The following ELMO1 variants were observed in gnomAD, a reference collection of about 807,000 sequenced individuals.
ELMO1 encodes the protein engulfment and cell motility 1.
Under a neutral mutation model 98.9 loss-of-function variants are expected in ELMO1, and 26 were observed. That is an observed-to-expected ratio of 0.26 (90% CI 0.19 to 0.36). ELMO1 has a LOEUF of 0.36. Among genes scored for constraint, ELMO1 ranks in the 10% least tolerant of loss-of-function variants. ELMO1 has a pLI of 1.00. For missense variants in ELMO1, 627 were observed against 935.2 expected (o/e 0.67, Z 4.30); for synonymous variants, 346 against 346.0 (o/e 1.00, Z 0.00).
rs1402451467 is a variant in ELMO1, at chr7:36,855,452, T to C, written c.*99A>G. On this transcript the variant is annotated 3_prime_UTR_variant, in exon 22 of 22. Transcript: ENST00000310758. This position sits in a 1 kb window ranked among gnomAD's most constrained non-coding sequence, Gnocchi z 4.2. ...GGAATGTGGACCCACAGCTTCCCTT[T>C]ACCAAAGGACGGTTCCAAGGCGTGG... 2 of 1,485,332 alleles carry C rather than the reference T, an allele frequency of 1.3e-6. No homozygotes were observed. Among genetic ancestry groups the C allele is most frequent in the African/African-American group, 2.8e-5 (2 of 72,136 alleles). 92.0% of individuals were successfully genotyped at this position (1,485,332 alleles called of 1,614,324 possible).
At chr7:37,032,124 G>A (rs1429808542) in intron 15 of ELMO1, among the ~76,000 whole-genome samples, 1 of 152,154 alleles carries the variant, frequency 6.6e-6, no homozygotes, top group African/African-American at 2.4e-5. Context: ...CACCCCTACT[G>A]ATTGGCTTCC....
chr7:37,005,937 C>G (rs1458674735), intron 16 of ELMO1, among the ~76,000 whole-genome samples: 1 of 152,256 alleles, frequency 6.6e-6, no homozygotes, highest in African/African-American at 2.4e-5. Context: ...GTCATCAGGG[C>G]GCACAGCCAT....
At chr7:37,016,174 TGAGTG>T (rs1793918361) in intron 15 of ELMO1, among the ~76,000 whole-genome samples, 1 of 152,144 alleles carries the variant, frequency 6.6e-6, no homozygotes, top group Admixed American at 6.5e-5. Context: ...TTTTATGTGA[TGAGTG>T]GAGCTAAGAA....
At chr7:37,404,765 C>T (rs1803682389) in intron 1 of ELMO1, among the ~76,000 whole-genome samples, 1 of 152,132 alleles carries the variant, frequency 6.6e-6, no homozygotes, top group African/African-American at 2.4e-5. Flanking sequence ...CCATAGTTTT[C>T]TTTGGGGCTT....
chr7:37,259,101 G>A (rs1795845092), intron 6 of ELMO1, 80 bp downstream of exon 6: 4 of 1,447,846 alleles, frequency 2.8e-6, no homozygotes, highest in Non-Finnish European at 3.7e-6. Flanking sequence ...AACAGAGTTT[G>A]CAAGTGTAAG....
At chr7:37,060,484 A>G (rs1166397591) in intron 15 of ELMO1, among the ~76,000 whole-genome samples, 1 of 152,174 alleles carries the variant, frequency 6.6e-6, no homozygotes, top group African/African-American at 2.4e-5. Context: ...AAAGAGGAGA[A>G]TAACAGACAC....
At chr7:37,271,511 C>T (rs971698221) in intron 5 of ELMO1, 23 of 246,438 alleles carry the variant, frequency 9.3e-5, no homozygotes, top group African/African-American at 2.5e-4. Flanking sequence ...ACATAAAATA[C>T]GCTAACGATA....
chr7:37,224,829 G>A, intron 9 of ELMO1, 50 bp downstream of exon 9: 1 of 1,599,762 alleles, frequency 6.3e-7, no homozygotes, highest in Non-Finnish European at 8.5e-7. Context: ...CATTACCGTG[G>A]CCATCTTCCT....
chr7:36,858,664 AAGAGTC>A (rs72085831), intron 21 of ELMO1, among the ~76,000 whole-genome samples: 17,160 of 151,992 alleles, frequency 0.11, 1,332 homozygotes, highest in South Asian at 0.23. Flanking sequence ...GAAACAGAAG[AAGAGTC>A]AGAGTCAGAG....
intron 15 of ELMO1, among the ~76,000 whole-genome samples, chr7:37,090,542 A>G (rs1784028375): frequency 6.6e-6 from 1 of 152,130 alleles, no homozygotes; most frequent in African/African-American, 2.4e-5. Context: ...CATTAACTAC[A>G]TGGAACTAGA....
At chr7:37,111,517 A>G (rs1785249590) in intron 14 of ELMO1, among the ~76,000 whole-genome samples, 1 of 152,222 alleles carries the variant, frequency 6.6e-6, no homozygotes, top group South Asian at 2.1e-4. Context: ...TTCTTTTAAG[A>G]AAAACTTTTG....
chr7:37,379,272 C>A (rs1052874377), intron 1 of ELMO1, among the ~76,000 whole-genome samples: 1 of 152,142 alleles, frequency 6.6e-6, no homozygotes, highest in Admixed American at 6.5e-5. Context: ...GATCTCCTGA[C>A]CTCGTGATCC....
chr7:37,192,836 A>G (rs1791686129), intron 13 of ELMO1, among the ~76,000 whole-genome samples: 1 of 146,322 alleles, frequency 6.8e-6, no homozygotes, highest in African/African-American at 2.5e-5. Context: ...GTATATATGT[A>G]TATATGACAT....
intron 16 of ELMO1, among the ~76,000 whole-genome samples, chr7:36,911,953 G>A (rs950583804): frequency 3.3e-5 from 5 of 152,148 alleles, no homozygotes; most frequent in African/African-American, 9.7e-5. Context: ...ACAGCAGCTC[G>A]GCTCATCACC....
chr7:36,874,555 G>T lies in ELMO1; in HGVS notation c.1822+3455C>A, dbSNP rs571091699. Among the ~76,000 whole-genome samples, 207 of 152,344 alleles carry T rather than the reference G, an allele frequency of 1.4e-3. 1 individual carries two copies. Among genetic ancestry groups the T allele is most frequent in the African/African-American group, 4.9e-3 (202 of 41,586 alleles). The stretch of plus-strand genomic sequence containing the variant: ...GTTAATTCTGTAGATGGAGAGACCT[G>T]AATTATTCGCTGTGCTTTGGTGACC... On this transcript the variant is annotated intron_variant, in intron 19 of 21. Transcript: ENST00000310758.
At chr7:37,398,307 C>A (rs1156402577) in intron 1 of ELMO1, among the ~76,000 whole-genome samples, 1 of 152,184 alleles carries the variant, frequency 6.6e-6, no homozygotes, top group African/African-American at 2.4e-5. Flanking sequence ...TTTATTTTCC[C>A]TTCCTATCTT....
chr7:37,402,813 G>C (rs952183105), intron 1 of ELMO1, among the ~76,000 whole-genome samples: 9 of 152,148 alleles, frequency 5.9e-5, no homozygotes, highest in African/African-American at 2.2e-4. Flanking sequence ...TTTAATTTCT[G>C]TTCCCAAACT....
chr7:37,283,048 G>A (rs1797220396), intron 4 of ELMO1, among the ~76,000 whole-genome samples: 1 of 152,160 alleles, frequency 6.6e-6, no homozygotes, highest in African/African-American at 2.4e-5. Context: ...GCAATAAATG[G>A]TTTGCTCTCT....
At chr7:36,937,155 A>G (rs1377148592) in intron 16 of ELMO1, among the ~76,000 whole-genome samples, 2 of 152,222 alleles carry the variant, frequency 1.3e-5, no homozygotes, top group African/African-American at 4.8e-5. Flanking sequence ...TGAAGTCCTC[A>G]CACCAGTACC....
Sources: gnomAD v4.1 joint callset for allele counts (sites outside exome capture counted in the v4.1 genomes callset) on GRCh38, gnomAD v4.1.1 for gene constraint, Gnocchi (gnomAD v3.1) non-coding constraint, MANE v1.5 for transcripts, NCBI Gene and HGNC (gene_info 2026-07-23, HGNC 2026-07-21) for gene names.